NALCN: variants seen among roughly 807,000 people sequenced by gnomAD.
The protein encoded by NALCN is sodium leak channel, non-selective, also known as sodium leak channel NALCN.
A neutral mutation model predicts 225.3 loss-of-function variants in NALCN; 111 were observed. The ratio of observed to expected loss-of-function variants is 0.49; its 90% CI spans 0.42 to 0.58. NALCN has a LOEUF of 0.58. Among genes scored for constraint, NALCN ranks in the 20% least tolerant of loss-of-function variants. The pLI is 0.00. For synonymous variants in NALCN, 764 were observed against 769.0 expected, an observed-to-expected ratio of 0.99 and a Z score of 0.11; for missense variants, 1,378 against 2,202.4, an observed-to-expected ratio of 0.63 and a Z score of 7.49.
chr13:101,109,490 C>T (rs2035315563), intron 20 of NALCN, among the ~76,000 whole-genome samples: 1 of 152,150 alleles, frequency 6.6e-6, no homozygotes, highest in East Asian at 1.9e-4. Flanking sequence ...ACTCCAAAAG[C>T]TCAAGAAATA....
At chr13:101,163,016 C>G (rs1045629865) in intron 15 of NALCN, among the ~76,000 whole-genome samples, 1 of 152,144 alleles carries the variant, frequency 6.6e-6, no homozygotes, top group Non-Finnish European at 1.5e-5. Context: ...ATTCTCCTGT[C>G]TCAGTCTCCC....
At chr13:101,160,938 A>G (rs983804108) in intron 15 of NALCN, among the ~76,000 whole-genome samples, 1 of 152,234 alleles carries the variant, frequency 6.6e-6, no homozygotes, top group Non-Finnish European at 1.5e-5. Flanking sequence ...GAAAGTGAAA[A>G]TACACAAGGA....
At chr13:101,161,161 G>A (rs976654708) in intron 15 of NALCN, among the ~76,000 whole-genome samples, 6 of 152,128 alleles carry the variant, frequency 3.9e-5, no homozygotes, top group East Asian at 1.9e-4. Flanking sequence ...ATTGACCTAC[G>A]CCACATGTCT....
intron 9 of NALCN, among the ~76,000 whole-genome samples, chr13:101,290,210 C>T (rs1036298369): frequency 6.6e-6 from 1 of 152,178 alleles, no homozygotes; most frequent in African/African-American, 2.4e-5. Flanking sequence ...GAACCATTGC[C>T]TGACTTGGTG....
chr13:101,320,232 A>T (rs2044698665), intron 7 of NALCN, among the ~76,000 whole-genome samples: 1 of 152,258 alleles, frequency 6.6e-6, no homozygotes, highest in South Asian at 2.1e-4. Flanking sequence ...AAAGGATCTT[A>T]GAAAACCATG....
At chr13:101,124,868 G>C (rs1420899452) in intron 17 of NALCN, among the ~76,000 whole-genome samples, 187 bp from the exon 18 acceptor site, 1 of 152,052 alleles carries the variant, frequency 6.6e-6, no homozygotes, top group African/African-American at 2.4e-5. Flanking sequence ...AAACTTGTGG[G>C]GCCCCACGTC....
chr13:101,073,669 T>A lies in NALCN; in HGVS notation c.4112A>T (p.Asn1371Ile). ...KYGENINRHA[N>I]FSSAGKAITV... is the part of the protein sequence containing the mutation. ...AATAGCTTTTCCAGCCGAAGAAAAATTTGCATGCCTAATTTAAGAAAAAAA... is the reference window on the plus strand; with the variant it reads ...AATAGCTTTTCCAGCCGAAGAAAAAATTGCATGCCTAATTTAAGAAAAAAA... Residue 1371 changes from asparagine (N) to isoleucine (I), a missense_variant, in exon 37 of 44, where the codon AAT becomes ATT. Transcript: ENST00000251127. 1 of 1,612,318 alleles carries A rather than the reference T, an allele frequency of 6.2e-7. No individual in the cohort carries two copies. The highest frequency in any genetic ancestry group is 8.5e-7 in the Non-Finnish European group (1 of 1,179,514).
intron 11 of NALCN, among the ~76,000 whole-genome samples, chr13:101,257,948 C>A (rs1431323965): frequency 6.6e-6 from 1 of 152,092 alleles, no homozygotes; most frequent in African/African-American, 2.4e-5. Flanking sequence ...CTTATTTAAT[C>A]ATGAAACCTA....
rs140322700 is a variant in NALCN at position 101,242,420 on chromosome 13, T to C, written c.1267-4498A>G. On this transcript the variant is annotated intron_variant, in intron 11 of 43. Coordinates refer to ENST00000251127, the MANE Select transcript of NALCN (RefSeq NM_052867.4). ...TGGTTAGACATCAAACCAATGCTTT[T>C]TTCTTATTGCTTCACAACTAAATTG... 9.2e-4 allele frequency among the ~76,000 whole-genome samples: 97 copies of C among 105,792 alleles called. 23 individuals are homozygous for C. In the East Asian group the frequency reaches 0.021, roughly 23 times the overall value. 69.4% of individuals were successfully genotyped at this position (105,792 alleles called of 152,430 possible).
At chr13:101,200,622 A>G (rs2040079374) in intron 13 of NALCN, among the ~76,000 whole-genome samples, 1 of 152,104 alleles carries the variant, frequency 6.6e-6, no homozygotes, top group Non-Finnish European at 1.5e-5. Flanking sequence ...CATGTTGCCT[A>G]CACTAGGCTT....
At chr13:101,400,954 T>G (rs1021436459) in intron 1 of NALCN, among the ~76,000 whole-genome samples, 1 of 152,192 alleles carries the variant, frequency 6.6e-6, no homozygotes, top group Non-Finnish European at 1.5e-5. Context: ...CCTGCCGCCT[T>G]GTGAAGAAGG....
At chr13:101,269,801 T>C (rs1029882783) in intron 10 of NALCN, among the ~76,000 whole-genome samples, 1 of 152,204 alleles carries the variant, frequency 6.6e-6, no homozygotes, top group Non-Finnish European at 1.5e-5. Flanking sequence ...GGCTGTCCCT[T>C]CTTCATGACC....
chr13:101,236,616 G>T (rs969719513), intron 12 of NALCN, among the ~76,000 whole-genome samples: 3 of 152,056 alleles, frequency 2.0e-5, no homozygotes, highest in Non-Finnish European at 4.4e-5. Context: ...CTTTGTAGGG[G>T]ACGTGGATGA....
Position 101,089,792 on chromosome 13 carries a change from A to G in NALCN, c.3391-31T>C. 1 of 1,613,922 alleles carries G rather than the reference A, an allele frequency of 6.2e-7. No individual in the cohort carries two copies. Among genetic ancestry groups the G allele is most frequent in the Non-Finnish European group, 8.5e-7 (1 of 1,179,890 alleles). On this transcript the variant is annotated intron_variant, in intron 29 of 43. Coordinates refer to ENST00000251127, the MANE Select transcript of NALCN (RefSeq NM_052867.4). This position sits in a 1 kb window ranked among gnomAD's most constrained non-coding sequence, Gnocchi z 4.7. ...TAAAGGAAAATATGGTTATTCATCA[A>G]AACAAATGAAAGCTGCTCTTGAAGT... is the stretch of plus-strand genomic sequence containing the variant.
intron 15 of NALCN, among the ~76,000 whole-genome samples, chr13:101,147,667 T>C (rs2037419950): frequency 6.6e-6 from 1 of 152,154 alleles, no homozygotes. Context: ...GCCTCCTGAG[T>C]AGCCGGGACT....
intron 11 of NALCN, among the ~76,000 whole-genome samples, chr13:101,249,933 C>A (rs538433224): frequency 6.6e-6 from 1 of 152,102 alleles, no homozygotes; most frequent in East Asian, 1.9e-4. Context: ...GATAATTAGA[C>A]GTGGAAAGAC....
intron 15 of NALCN, among the ~76,000 whole-genome samples, chr13:101,169,997 A>G (rs921985765): frequency 6.6e-6 from 1 of 152,198 alleles, no homozygotes; most frequent in African/African-American, 2.4e-5. Context: ...TGCTCAGCCG[A>G]ATGGCATCTT....
intron 6 of NALCN, among the ~76,000 whole-genome samples, chr13:101,357,586 TATC>T (rs1594735819): frequency 1.3e-5 from 2 of 152,090 alleles, no homozygotes; most frequent in East Asian, 3.9e-4. Flanking sequence ...GAAGAATCAA[TATC>T]ATGAAAATGG....
chr13:101,166,016 T>C (rs1004180541), intron 15 of NALCN, among the ~76,000 whole-genome samples: 11 of 152,246 alleles, frequency 7.2e-5, no homozygotes, highest in Admixed American at 5.9e-4. Flanking sequence ...TTTTTGTGAC[T>C]GGCTTATTTC....
Sources: allele counts gnomAD v4.1 joint callset (sites outside exome capture counted in the v4.1 genomes callset), GRCh38; gene constraint gnomAD v4.1.1; non-coding constraint Gnocchi (gnomAD v3.1); transcripts MANE v1.5; gene names NCBI Gene and HGNC (gene_info 2026-07-23, HGNC 2026-07-21).